ZC3H12D: variants seen among roughly 807,000 people sequenced by gnomAD.
ZC3H12D encodes the protein zinc finger CCCH-type containing 12D.
A neutral mutation model predicts 24.2 loss-of-function variants in ZC3H12D; 11 were observed. The ratio of observed to expected loss-of-function variants is 0.46; its 90% CI spans 0.29 to 0.75. ZC3H12D has a LOEUF of 0.75. ZC3H12D is among the 30% of genes least tolerant of loss of function. ZC3H12D has a pLI of 0.11. For missense variants in ZC3H12D, 740 were observed against 767.7 expected, an observed-to-expected ratio of 0.96 and a Z score of 0.43; for synonymous variants, 333 against 341.8, an observed-to-expected ratio of 0.97 and a Z score of 0.28.
chr6:149,475,279 C>T (rs1776317609), intron 1 of ZC3H12D, among the ~76,000 whole-genome samples: 2 of 152,224 alleles, frequency 1.3e-5, no homozygotes, highest in Non-Finnish European at 2.9e-5. Context: ...AGCAGACTAA[C>T]ACAGGCCCCT....
intron 3 of ZC3H12D, 120 bp downstream of exon 3, chr6:149,461,711 G>A (rs411308): frequency 0.35 from 400,964 of 1,134,746 alleles, 73,020 homozygotes; most frequent in African/African-American, 0.46. Context: ...AGCTTATAGC[G>A]CAGTGAGGAA....
At chr6:149,459,559 T>C (rs384163) in intron 3 of ZC3H12D, 236,726 of 716,730 alleles carry the variant, frequency 0.33, 41,100 homozygotes, top group African/African-American at 0.46. Context: ...TTGGAGCACT[T>C]CTGGTGGTGG....
At chr6:149,462,611 G>A (rs1389802652) in intron 2 of ZC3H12D, among the ~76,000 whole-genome samples, 2 of 152,158 alleles carry the variant, frequency 1.3e-5, no homozygotes, top group Non-Finnish European at 2.9e-5. Context: ...TGCCAAAAGA[G>A]ATTAATATTT....
chr6:149,481,129 C>T (rs1449387481), intron 1 of ZC3H12D, among the ~76,000 whole-genome samples: 4 of 151,852 alleles, frequency 2.6e-5, no homozygotes, highest in Admixed American at 6.6e-5. Flanking sequence ...TCACCCAGAA[C>T]ATCTGCATCA....
chr6:149,453,660 C>T (rs539576501), intron 4 of ZC3H12D, among the ~76,000 whole-genome samples: 42 of 152,188 alleles, frequency 2.8e-4, no homozygotes, highest in African/African-American at 1.0e-3. Context: ...TGATTTTTAT[C>T]CAGGAAAATG....
intron 1 of ZC3H12D, among the ~76,000 whole-genome samples, chr6:149,482,154 G>C (rs1032774922): frequency 2.0e-5 from 3 of 152,272 alleles, no homozygotes; most frequent in Admixed American, 2.0e-4. Flanking sequence ...TAAACTGAAA[G>C]AATGCATCTA....
chr6:149,470,087 C>T lies in ZC3H12D; in HGVS notation c.305+4152G>A, dbSNP rs184426305. ...ACGAGAAAAATGTATTGACCAGGCG[C>T]GGTGGCTCACACCTATAATCCCAGC... On this transcript the variant is annotated intron_variant, in intron 2 of 5. Transcript: ENST00000409806. Among the ~76,000 whole-genome samples the T allele has an allele frequency of 2.4e-3, 364 of 152,208 alleles. 1 individual carries two copies. Among genetic ancestry groups the T allele is most frequent in the African/African-American group, 7.5e-3 (310 of 41,508 alleles).
At chr6:149,460,219 A>G (rs1426745856) in intron 3 of ZC3H12D, among the ~76,000 whole-genome samples, 1 of 152,226 alleles carries the variant, frequency 6.6e-6, no homozygotes, top group Non-Finnish European at 1.5e-5. Flanking sequence ...GACCAACATG[A>G]TGTTCAAAGC....
chr6:149,469,350 T>C (rs1424563315), intron 2 of ZC3H12D, among the ~76,000 whole-genome samples: 1 of 151,682 alleles, frequency 6.6e-6, no homozygotes, highest in Non-Finnish European at 1.5e-5. Context: ...CCCAGCTACT[T>C]GGGAGGCTGA....
intron 2 of ZC3H12D, among the ~76,000 whole-genome samples, chr6:149,464,139 C>T (rs547899261): frequency 5.9e-5 from 9 of 152,246 alleles, no homozygotes; most frequent in South Asian, 2.1e-4. Context: ...AGGAACTCTG[C>T]GACTTCGCAG....
At chr6:149,472,900 C>T (rs531120542) in intron 2 of ZC3H12D, among the ~76,000 whole-genome samples, 14 of 152,242 alleles carry the variant, frequency 9.2e-5, no homozygotes, top group African/African-American at 3.1e-4. Flanking sequence ...CTCACAACCC[C>T]TTCTAGTCTT....
In ZC3H12D at chr6:149,451,298, C is replaced by T; in HGVS notation, c.969G>A (p.Arg323=). The change falls in exon 6 of 6, where the codon CGG becomes CGA. Residue 323 remains arginine, a synonymous_variant. Coordinates refer to ENST00000409806, the MANE Select transcript of ZC3H12D (RefSeq NM_207360.3). ...GCGGGAGGCTGTGCGCAAATGGTTCCCGGGGGGCCGCCCGGGCTCCTGCGG... is the reference window on the plus strand; with the variant it reads ...GCGGGAGGCTGTGCGCAAATGGTTCTCGGGGGGCCGCCCGGGCTCCTGCGG... ...GGSAGARAAP[R]EPFAHSLPPA... 7.5e-7 allele frequency: 1 copy of T among 1,326,650 alleles called. No homozygotes were observed. Among genetic ancestry groups the T allele is most frequent in the Non-Finnish European group, 9.5e-7 (1 of 1,048,144 alleles). The allele number at this position is 1,326,650 out of a possible 1,614,324, so 82.2% of individuals were successfully genotyped here.
At position 149,450,809 on chromosome 6, in the gene ZC3H12D, G is replaced by C. The variant is rs1410073199; in HGVS notation, c.1458C>G (p.Tyr486Ter). The change falls in exon 6 of 6, where the codon TAC (tyrosine) becomes TAG (stop). Residue 486 changes from tyrosine (Y) to a stop codon, truncating the protein, a stop_gained. Transcript: ENST00000409806. LOFTEE classifies it low-confidence loss of function (END_TRUNC). ...CCACCTGGTCACGCGGGAAGACGCT[G>C]TAGAGCGCGATGCGAGCCCGGGCGC... ...DARARARIAL[Y>*]SVFPRDQVDR... 1 of 1,548,334 alleles carries C rather than the reference G, an allele frequency of 6.5e-7. No homozygotes were observed. The highest frequency in any genetic ancestry group is 8.7e-7 in the Non-Finnish European group (1 of 1,146,810).
In ZC3H12D at chr6:149,450,988, G is replaced by C. The variant is rs1281748450; in HGVS notation, c.1279C>G (p.Leu427Val). The change falls in exon 6 of 6, where the codon CTT (leucine) becomes GTT (valine). Residue 427 changes from leucine (L) to valine (V), a missense_variant. Leu to Val is a conservative substitution (Grantham distance 32). Transcript: ENST00000409806. The stretch of plus-strand genomic sequence containing the variant: ...TCGTCGGGTGGCCTGCGCGGGGAAA[G>C]CAAGTCGCCGTGCAGGTCCCTAGGG... ...HRPRDLHGDL[L>V]SPRRPPDDPW... is the part of the protein sequence containing the mutation. The C allele has an allele frequency of 2.6e-6, 4 of 1,519,688 alleles. No homozygotes were observed. Among genetic ancestry groups the C allele is most frequent in the Non-Finnish European group, 3.5e-6 (4 of 1,137,548 alleles). The allele number at this position is 1,519,688 out of a possible 1,614,324, so 94.1% of individuals were successfully genotyped here.
rs775973883 is a variant in ZC3H12D at position 149,452,694 on chromosome 6, G to A, written c.709C>T (p.Arg237Cys). 4.4e-6 allele frequency: 7 copies of A among 1,607,444 alleles called. No homozygotes were observed. The highest frequency in any genetic ancestry group is 3.4e-5 in the Admixed American group (2 of 59,250). Residue 237 changes from arginine to cysteine, a missense_variant, in exon 5 of 6, where the codon CGC (arginine) becomes TGC (cysteine). Arg to Cys is a radical substitution (Grantham distance 180, BLOSUM62 -3). Transcript: ENST00000409806. The surrounding 1 kb of genome is among the most constrained non-coding windows in gnomAD (Gnocchi z 4.0). Reference sequence around the variant, plus strand: ...AAGTTGCTCAGGGAGGGTCCATGGCGGCCCAGGGGGTCATCAGGCGGCATG... The same window carrying A: ...AAGTTGCTCAGGGAGGGTCCATGGCAGCCCAGGGGGTCATCAGGCGGCATG... ...RFMPPDDPLG[R>C]HGPSLSNFLS...
chr6:149,452,528 C>T lies in ZC3H12D; in HGVS notation c.787+88G>A. 8.8e-7 allele frequency: 1 copy of T among 1,132,796 alleles called. No homozygotes were observed. The highest frequency in any genetic ancestry group is 1.2e-6 in the Non-Finnish European group (1 of 844,540). 70.2% of individuals were successfully genotyped at this position (1,132,796 alleles called of 1,614,324 possible). On this transcript the variant is annotated intron_variant, in intron 5 of 5. Coordinates refer to ENST00000409806, the MANE Select transcript of ZC3H12D (RefSeq NM_207360.3). This position sits in a 1 kb window ranked among gnomAD's most constrained non-coding sequence, Gnocchi z 4.0. ...TTGGGCAAGAGCCCAGGCCGCTGAG[C>T]ACCAGGCCAGCGCTTTTTGACTGTG...
At position 149,448,812 on chromosome 6, in the gene ZC3H12D, G is replaced by T. The variant is rs970929662; in HGVS notation, c.*1871C>A. 1.3e-5 allele frequency: 2 copies of T among 152,206 alleles called. No homozygotes were observed. The highest frequency in any genetic ancestry group is 4.8e-5 in the African/African-American group (2 of 41,442). 9.4% of individuals were successfully genotyped at this position (152,206 alleles called of 1,614,324 possible). A position where few individuals can be genotyped will look rare whatever the true frequency, so the allele number is the denominator to read the frequency against. ...GTCATTTACCATGAATGAAAGGGCT[G>T]GGAACGCACTCTCCCTGAGGTGCCC... On this transcript the variant is annotated 3_prime_UTR_variant, in exon 6 of 6. Coordinates refer to ENST00000409806, the MANE Select transcript of ZC3H12D (RefSeq NM_207360.3).
intron 2 of ZC3H12D, among the ~76,000 whole-genome samples, chr6:149,465,763 A>G (rs1398053500): frequency 1.7e-5 from 2 of 119,344 alleles, no homozygotes; most frequent in African/African-American, 8.6e-5. Context: ...TCAAAAAAAA[A>G]AAAGGGGGGG....
In ZC3H12D at chr6:149,452,449, A is replaced by AAT. The variant is rs1583183245; in HGVS notation, c.787+165_787+166dup. The AAT allele has an allele frequency of 1.8e-6, 1 of 548,340 alleles. No individual in the cohort carries two copies. Among genetic ancestry groups the AAT allele is most frequent in the Non-Finnish European group, 3.1e-6 (1 of 326,186 alleles). 34.0% of individuals were successfully genotyped at this position (548,340 alleles called of 1,614,324 possible). A position where few individuals can be genotyped will look rare whatever the true frequency, so the allele number is the denominator to read the frequency against. On this transcript the variant is annotated intron_variant, in intron 5 of 5. Coordinates refer to ENST00000409806, the MANE Select transcript of ZC3H12D (RefSeq NM_207360.3). This position sits in a 1 kb window ranked among gnomAD's most constrained non-coding sequence, Gnocchi z 4.0. ...TCACCGGCCAGGATGTCAGTTCTAC[A>AAT]ATAACCCTGTCAGGAAAGTTAACTC... is the stretch of plus-strand genomic sequence containing the variant.
Sources: allele counts gnomAD v4.1 joint callset (sites outside exome capture counted in the v4.1 genomes callset), GRCh38; gene constraint gnomAD v4.1.1; non-coding constraint Gnocchi (gnomAD v3.1); transcripts MANE v1.5; gene names NCBI Gene and HGNC (gene_info 2026-07-23, HGNC 2026-07-21).